The following WDR64 variants were observed in gnomAD, a reference collection of about 807,000 sequenced individuals.
WDR64 encodes the protein WD repeat-containing protein 64.
Under a neutral mutation model 139.3 loss-of-function variants are expected in WDR64, and 112 were observed. That is an observed-to-expected ratio of 0.80 (90% confidence interval 0.69 to 0.94). The LOEUF (loss-of-function observed/expected upper bound fraction) is 0.94. Among genes scored for constraint, WDR64 ranks in the 40% least tolerant of loss-of-function variants. The pLI is 0.00. For missense variants in WDR64, 1,206 were observed against 1,293.1 expected (o/e 0.93, Z 1.03); for synonymous variants, 444 against 437.7 (o/e 1.01, Z -0.18).
intron 9 of WDR64, among the ~76,000 whole-genome samples, chr1:241,712,805 T>C (rs574574051): frequency 2.0e-4 from 31 of 151,320 alleles, no homozygotes; most frequent in Non-Finnish European, 3.2e-4. Flanking sequence ...ATGAAAAGAC[T>C]GCTAGTCTCA....
intron 2 of WDR64, among the ~76,000 whole-genome samples, chr1:241,661,872 C>T (rs967806543): frequency 6.6e-6 from 1 of 152,224 alleles, no homozygotes; most frequent in Non-Finnish European, 1.5e-5. Context: ...TTTACTGGAA[C>T]ACAGCAATGC....
At chr1:241,779,678 A>C (rs1041231539) in intron 21 of WDR64, among the ~76,000 whole-genome samples, 2 of 152,072 alleles carry the variant, frequency 1.3e-5, no homozygotes, top group Non-Finnish European at 2.9e-5. Context: ...ATACAAAAAA[A>C]AATTAGCCGG....
At chr1:241,759,187 C>T (rs1670330269) in intron 15 of WDR64, among the ~76,000 whole-genome samples, 1 of 152,052 alleles carries the variant, frequency 6.6e-6, no homozygotes, top group South Asian at 2.1e-4. Flanking sequence ...TTACTAGGAA[C>T]ATGATACCTG....
chr1:241,675,205 CCCTTCCTCCCTCCCTTCTT>C (rs1558466343), intron 4 of WDR64, among the ~76,000 whole-genome samples: 14 of 54,528 alleles, frequency 2.6e-4, no homozygotes, highest in African/African-American at 1.1e-3. Context: ...CAACTTCCCT[CCCTTCCTCCCTCCCTTCTT>C]CCTTCCTCCC....
intron 10 of WDR64, among the ~76,000 whole-genome samples, chr1:241,736,446 GC>G (rs1181710645): frequency 6.7e-6 from 1 of 148,446 alleles, no homozygotes; most frequent in Non-Finnish European, 1.5e-5. Context: ...GTAGGAGTTA[GC>G]TAGATAGAGA....
chr1:241,757,176 G>A, intron 14 of WDR64, 107 bp from the exon 15 acceptor site: 1 of 1,017,026 alleles, frequency 9.8e-7, no homozygotes, highest in Non-Finnish European at 1.4e-6. Context: ...ATTTGGTAAA[G>A]CTAGATGGTA....
intron 8 of WDR64, 77 bp downstream of exon 8, chr1:241,687,672 G>C: frequency 7.1e-7 from 1 of 1,411,922 alleles, no homozygotes. Flanking sequence ...TGACAGCTTT[G>C]AAACTTTCAA....
At chr1:241,749,247 A>G (rs533180723) in intron 13 of WDR64, among the ~76,000 whole-genome samples, 1 of 152,206 alleles carries the variant, frequency 6.6e-6, no homozygotes, top group Non-Finnish European at 1.5e-5. Flanking sequence ...CGTTGGGAGA[A>G]TAACAACAGA....
chr1:241,699,485 T>G (rs544619324), intron 8 of WDR64, among the ~76,000 whole-genome samples: 2 of 152,202 alleles, frequency 1.3e-5, no homozygotes, highest in African/African-American at 4.8e-5. Flanking sequence ...AGAAAACAAA[T>G]GAATGAATTC....
intron 2 of WDR64, among the ~76,000 whole-genome samples, chr1:241,669,411 A>G (rs564015003): frequency 5.9e-5 from 9 of 152,232 alleles, no homozygotes; most frequent in African/African-American, 2.2e-4. Context: ...CTTCCTGTCC[A>G]CTCCAACATA....
At chr1:241,796,578 C>T (rs371993024) in intron 27 of WDR64, among the ~76,000 whole-genome samples, 20 of 151,910 alleles carry the variant, frequency 1.3e-4, no homozygotes, top group African/African-American at 3.9e-4. Flanking sequence ...CTGCAACCTC[C>T]GCCTACCAGG....
chr1:241,789,437 T>C (rs1574098712), intron 24 of WDR64, among the ~76,000 whole-genome samples: 1 of 152,188 alleles, frequency 6.6e-6, no homozygotes, highest in Non-Finnish European at 1.5e-5. Flanking sequence ...TGTATGTTCA[T>C]TGCAGCACTA....
intron 4 of WDR64, among the ~76,000 whole-genome samples, chr1:241,674,985 C>T (rs149743775): frequency 0.012 from 455 of 37,192 alleles, 21 homozygotes; most frequent in African/African-American, 0.031. Context: ...TCCTTCTTTC[C>T]TCCCTTTCTC....
chr1:241,800,838 G>A (rs1400965574), intron 27 of WDR64, among the ~76,000 whole-genome samples: 3 of 151,984 alleles, frequency 2.0e-5, no homozygotes, highest in Non-Finnish European at 4.4e-5. Context: ...GTCTTGTTTT[G>A]TTTTGTTTTG....
At chr1:241,779,451 T>C (rs1394898033) in intron 21 of WDR64, among the ~76,000 whole-genome samples, 1 of 152,208 alleles carries the variant, frequency 6.6e-6, no homozygotes, top group Non-Finnish European at 1.5e-5. Context: ...TCCACTACCC[T>C]GATCTCTAAA....
chr1:241,795,089 A>G, intron 25 of WDR64, 118 bp from the exon 26 acceptor site: 1 of 766,648 alleles, frequency 1.3e-6, no homozygotes, highest in Non-Finnish European at 2.2e-6. Context: ...ACTAGGTAAC[A>G]GGGAAGTCCC....
At chr1:241,663,690 C>T (rs1315417576) in intron 2 of WDR64, among the ~76,000 whole-genome samples, 1 of 152,256 alleles carries the variant, frequency 6.6e-6, no homozygotes, top group African/African-American at 2.4e-5. Context: ...CCACTAGCCA[C>T]ATGTGCTATT....
intron 15 of WDR64, among the ~76,000 whole-genome samples, chr1:241,761,248 G>A (rs1657882572): frequency 6.6e-6 from 1 of 152,068 alleles, no homozygotes; most frequent in Admixed American, 6.6e-5. Flanking sequence ...AAAAGAGAAA[G>A]TTGGAATTTT....
At chr1:241,763,699 A>G (rs1280622666) in intron 15 of WDR64, among the ~76,000 whole-genome samples, 2 of 152,182 alleles carry the variant, frequency 1.3e-5, no homozygotes, top group Non-Finnish European at 2.9e-5. Context: ...AGCAAGACTC[A>G]GTCTCAAAGA....
Sources: gnomAD v4.1 joint callset for allele counts (sites outside exome capture counted in the v4.1 genomes callset) on GRCh38, gnomAD v4.1.1 for gene constraint, MANE v1.5 for transcripts, NCBI Gene and HGNC (gene_info 2026-07-23, HGNC 2026-07-21) for gene names.